NFASC: variants seen among roughly 807,000 people sequenced by gnomAD.
NFASC encodes neurofascin.
NFASC carries 43 observed loss-of-function variants against 147.5 expected under a neutral mutation model. That is an observed-to-expected ratio of 0.29 (90% CI 0.23 to 0.38). NFASC has a LOEUF of 0.38. Among genes scored for constraint, NFASC ranks in the 10% least tolerant of loss-of-function variants. NFASC has a pLI of 1.00. For missense variants in NFASC, 1,320 were observed against 1,689.0 expected (o/e 0.78, Z 3.83); for synonymous variants, 622 against 665.5 (o/e 0.93, Z 1.01).
At chr1:204,946,605 G>A in intron 3 of NFASC, 1 of 475,634 alleles carries the variant, frequency 2.1e-6, no homozygotes, top group Non-Finnish European at 4.2e-6. Flanking sequence ...GGGATGAGGG[G>A]GCAGGTCCTG....
At position 204,850,818 on chromosome 1, in the gene NFASC, G is replaced by A. The variant is rs545240178; in HGVS notation, c.-200+22036G>A. Among the ~76,000 whole-genome samples, 7 of 152,294 alleles carry A rather than the reference G, an allele frequency of 4.6e-5. No homozygotes were observed. In the East Asian group the frequency reaches 5.8e-4, roughly 13 times the overall value. ...GTCTCAGATAGTTCTTTATAGCAGTGTGAGAATGGATTCATACAGTGGTTT... is the reference window on the plus strand; with the variant it reads ...GTCTCAGATAGTTCTTTATAGCAGTATGAGAATGGATTCATACAGTGGTTT... On this transcript the variant is annotated intron_variant, in intron 1 of 29. Transcript: ENST00000339876.
chr1:204,953,313 T>C (rs555066861), intron 5 of NFASC, among the ~76,000 whole-genome samples: 5 of 152,108 alleles, frequency 3.3e-5, no homozygotes, highest in African/African-American at 4.8e-5. Context: ...TTTTTTCTAA[T>C]TGAGACGGAG....
chr1:205,009,416 G>T lies in NFASC; in HGVS notation c.3290-141G>T, dbSNP rs140979154. The T allele has an allele frequency of 6.2e-3, 5,544 of 898,280 alleles. 27 individuals carry two copies. Among genetic ancestry groups the T allele is most frequent in the Non-Finnish European group, 8.5e-3 (4,581 of 535,798 alleles). The allele number at this position is 898,280 out of a possible 1,614,324, so 55.6% of individuals were successfully genotyped here. A position where few individuals can be genotyped will look rare whatever the true frequency, so the allele number is the denominator to read the frequency against. On this transcript the variant is annotated intron_variant, in intron 27 of 29. Coordinates refer to ENST00000339876, the MANE Select transcript of NFASC (RefSeq NM_001005388.3). ...TTTTGTCCTTTAGCAGGGTAGTTTGGGCCAGGGGGCTGCTAGGTGGTAGTG... is the reference window on the plus strand; with the variant it reads ...TTTTGTCCTTTAGCAGGGTAGTTTGTGCCAGGGGGCTGCTAGGTGGTAGTG...
intron 1 of NFASC, among the ~76,000 whole-genome samples, chr1:204,888,185 T>C (rs1189343554): frequency 1.3e-5 from 2 of 152,236 alleles, no homozygotes; most frequent in African/African-American, 4.8e-5. Flanking sequence ...TGGGCAGTTA[T>C]CTGCTTGTAT....
At chr1:205,000,991 C>G in intron 25 of NFASC, 179 bp from the exon 26 acceptor site, 3 of 632,764 alleles carry the variant, frequency 4.7e-6, no homozygotes, top group African/African-American at 1.8e-5. Context: ...GGAGCTCTGT[C>G]AGGCCCTGTG....
In NFASC at chr1:204,979,428, C is replaced by T; in HGVS notation, c.2045C>T (p.Pro682Leu). The part of the protein sequence containing the change: ...PGVWHDHSKY[P>L]GSVNSAVLRL... ...GTCTGGCATGACCATTCCAAGTACCCCGGCAGCGTTAACTCAGCCGTCCTC... is the reference window on the plus strand; with the variant it reads ...GTCTGGCATGACCATTCCAAGTACCTCGGCAGCGTTAACTCAGCCGTCCTC... The change falls in exon 19 of 30, where the codon CCC (proline) becomes CTC (leucine). Residue 682 changes from proline (P) to leucine (L), a missense_variant. By Grantham distance (98) the Pro-to-Leu change is moderately conservative. Coordinates refer to ENST00000339876, the MANE Select transcript of NFASC (RefSeq NM_001005388.3). This position sits in a 1 kb window ranked among gnomAD's most constrained non-coding sequence, Gnocchi z 6.0. 14 of 1,614,060 alleles carry T rather than the reference C, an allele frequency of 8.7e-6. No homozygotes were observed. Among genetic ancestry groups the T allele is most frequent in the Non-Finnish European group, 1.1e-5 (13 of 1,179,994 alleles).
intron 2 of NFASC, chr1:204,929,292 A>G (rs1414460379): frequency 6.6e-6 from 1 of 152,606 alleles, no homozygotes; most frequent in Non-Finnish European, 1.5e-5. Context: ...AAGGGGAGCC[A>G]AGCGTGAAAC....
At chr1:204,850,742 C>T (rs1035863090) in intron 1 of NFASC, among the ~76,000 whole-genome samples, 25 of 152,242 alleles carry the variant, frequency 1.6e-4, no homozygotes, top group African/African-American at 4.3e-4. Flanking sequence ...TGCTTCTGTA[C>T]AGCCTGTGGA....
At position 204,944,281 on chromosome 1, in the gene NFASC, T is replaced by G; in HGVS notation, c.-35T>G. 6.2e-7 allele frequency: 1 copy of G among 1,607,438 alleles called. No homozygotes were observed. The highest frequency in any genetic ancestry group is 8.5e-7 in the Non-Finnish European group (1 of 1,177,392). ...CGGCTCGAGGTGACAAGACCCCGAGTGCTGGGGAGCAGGGAGCAGGGCCAG... is the reference window on the plus strand; with the variant it reads ...CGGCTCGAGGTGACAAGACCCCGAGGGCTGGGGAGCAGGGAGCAGGGCCAG... On this transcript the variant is annotated 5_prime_UTR_variant, in exon 3 of 30. Coordinates refer to ENST00000339876, the MANE Select transcript of NFASC (RefSeq NM_001005388.3).
intron 1 of NFASC, among the ~76,000 whole-genome samples, chr1:204,885,151 A>G (rs1414302301): frequency 6.6e-6 from 1 of 152,130 alleles, no homozygotes. Context: ...TAAACTGAAA[A>G]AGATGATTTT....
intron 7 of NFASC, among the ~76,000 whole-genome samples, chr1:204,955,307 C>T (rs1202174343): frequency 6.6e-6 from 1 of 152,124 alleles, no homozygotes; most frequent in Admixed American, 6.5e-5. Flanking sequence ...GGGCCAGACA[C>T]ACAGTAAGCA....
At chr1:204,928,591 G>T (rs1019647925) in intron 2 of NFASC, among the ~76,000 whole-genome samples, 1 of 152,172 alleles carries the variant, frequency 6.6e-6, no homozygotes, top group Non-Finnish European at 1.5e-5. Flanking sequence ...ATACAATGAC[G>T]TGAGTTGTAC....
Position 204,968,061 on chromosome 1 carries a change from G to T in NFASC, c.707-188G>T. ...ACCTAGAGCTCCTCTCTCTCATGTA[G>T]GTGGGGCTGAGGAGCCCTGGGCTTC... is the stretch of plus-strand genomic sequence containing the variant. On this transcript the variant is annotated intron_variant, in intron 8 of 29. Coordinates refer to ENST00000339876, the MANE Select transcript of NFASC (RefSeq NM_001005388.3). This position sits in a 1 kb window ranked among gnomAD's most constrained non-coding sequence, Gnocchi z 5.4. 1.8e-6 allele frequency: 1 copy of T among 566,900 alleles called. No homozygotes were observed. 35.1% of individuals were successfully genotyped at this position (566,900 alleles called of 1,614,324 possible).
In NFASC at chr1:204,981,927, G is replaced by A. The variant is rs1415457476; in HGVS notation, c.2377G>A (p.Val793Ile). 3 of 1,609,724 alleles carry A rather than the reference G, an allele frequency of 1.9e-6. No individual in the cohort carries two copies. The South Asian group carries it at 3.3e-5, about 18-fold the overall frequency. ...TCGCTACGTGGTGGGGCAGACCCCA[G>A]TCTACGTGCCCTATGAGATCCGAGT... is the stretch of plus-strand genomic sequence containing the variant. Reference protein sequence around the residue: ...GSRYVVGQTPVYVPYEIRVQA... With the variant: ...GSRYVVGQTPIYVPYEIRVQA... The change falls in exon 21 of 30, where the codon GTC (valine) becomes ATC (isoleucine). Residue 793 changes from valine (V) to isoleucine (I), a missense_variant. Val to Ile is a conservative substitution (Grantham distance 29). Transcript: ENST00000339876.
In NFASC at chr1:204,977,723, A is replaced by G. The variant is rs1409524526; in HGVS notation, c.1874A>G (p.Lys625Arg). Residue 625 changes from lysine (K) to arginine (R), a missense_variant and splice_region_variant, in exon 17 of 30, where the codon AAA (lysine) becomes AGA (arginine). Physicochemically the swap from Lys to Arg is conservative, Grantham distance 26 (BLOSUM62 2). Coordinates refer to ENST00000339876, the MANE Select transcript of NFASC (RefSeq NM_001005388.3). ...ACTAACCGTTTGGCTGCCCTGCCCA[A>G]AGGTAATTCCCACTAATCACAGTCC... The part of the protein sequence containing the change: ...TPTNRLAALP[K>R]GRPDRPRDLE... 3.1e-6 allele frequency: 5 copies of G among 1,609,012 alleles called. No homozygotes were observed. The South Asian group carries it at 3.3e-5, about 11-fold the overall frequency.
intron 1 of NFASC, among the ~76,000 whole-genome samples, chr1:204,916,615 G>A (rs1431832621): frequency 6.6e-6 from 1 of 152,212 alleles, no homozygotes; most frequent in African/African-American, 2.4e-5. Context: ...TATTAACCCA[G>A]ATATATCAAT....
chr1:204,958,369 T>C (rs1270949964), intron 8 of NFASC, among the ~76,000 whole-genome samples: 1 of 152,232 alleles, frequency 6.6e-6, no homozygotes, highest in Non-Finnish European at 1.5e-5. Flanking sequence ...CTGAACCATA[T>C]GGAATCGCTA....
At position 205,016,953 on chromosome 1, in the gene NFASC, T is replaced by A; in HGVS notation, c.*414T>A. ...CAGACCCAATGTCTCTGTTTTCTTTTCCTTTTGAAAAAGAGTCCCTGGAAA... is the reference window on the plus strand; with the variant it reads ...CAGACCCAATGTCTCTGTTTTCTTTACCTTTTGAAAAAGAGTCCCTGGAAA... On this transcript the variant is annotated 3_prime_UTR_variant, in exon 30 of 30. Coordinates refer to ENST00000339876, the MANE Select transcript of NFASC (RefSeq NM_001005388.3). This position sits in a 1 kb window ranked among gnomAD's most constrained non-coding sequence, Gnocchi z 5.1. 3.4e-6 allele frequency: 1 copy of A among 296,222 alleles called. No individual in the cohort carries two copies. Among genetic ancestry groups the A allele is most frequent in the Non-Finnish European group, 6.7e-6 (1 of 148,916 alleles). 18.3% of individuals were successfully genotyped at this position (296,222 alleles called of 1,614,324 possible). A position where few individuals can be genotyped will look rare whatever the true frequency, so the allele number is the denominator to read the frequency against.
intron 27 of NFASC, among the ~76,000 whole-genome samples, chr1:205,005,664 A>C (rs1418910612): frequency 6.6e-6 from 1 of 152,226 alleles, no homozygotes; most frequent in South Asian, 2.1e-4. Flanking sequence ...AGTCCAGGTC[A>C]TGGAGTCCCA....
Sources: allele counts gnomAD v4.1 joint callset (sites outside exome capture counted in the v4.1 genomes callset), GRCh38; gene constraint gnomAD v4.1.1; non-coding constraint Gnocchi (gnomAD v3.1); transcripts MANE v1.5; gene names NCBI Gene and HGNC (gene_info 2026-07-23, HGNC 2026-07-21).